The following PIGK variants were observed in gnomAD, a reference collection of about 807,000 sequenced individuals.
PIGK encodes GPI-anchor transamidase.
In PIGK, 42 loss-of-function variants were observed where a neutral mutation model predicts 50.6. The ratio of observed to expected loss-of-function variants is 0.83; its 90% CI spans 0.65 to 1.07. The LOEUF (loss-of-function observed/expected upper bound fraction) is 1.07. PIGK is among the 50% of genes least tolerant of loss of function. The pLI, the probability that PIGK is intolerant of heterozygous loss-of-function variation, is 0.00. For missense variants in PIGK, 448 were observed against 488.7 expected (o/e 0.92, Z 0.78); for synonymous variants, 151 against 156.0 (o/e 0.97, Z 0.24).
intron 3 of PIGK, among the ~76,000 whole-genome samples, chr1:77,202,542 T>C (rs2100583568): frequency 6.6e-6 from 1 of 152,278 alleles, no homozygotes; most frequent in Non-Finnish European, 1.5e-5. Context: ...GATCAGAATG[T>C]CAGATTTGGA....
intron 9 of PIGK, among the ~76,000 whole-genome samples, chr1:77,131,594 T>TA (rs1214213332): frequency 1.3e-5 from 2 of 152,120 alleles, no homozygotes; most frequent in Non-Finnish European, 2.9e-5. Context: ...ATTGCCTTTT[T>TA]AAAAAACATT....
intron 3 of PIGK, among the ~76,000 whole-genome samples, chr1:77,199,185 T>C (rs997650519): frequency 2.6e-5 from 4 of 152,028 alleles, no homozygotes; most frequent in Non-Finnish European, 5.9e-5. Flanking sequence ...TTTTACCTTG[T>C]CACTGTTCTC....
chr1:77,109,661 A>T (rs938649555), intron 10 of PIGK, among the ~76,000 whole-genome samples: 7 of 152,324 alleles, frequency 4.6e-5, no homozygotes, highest in Middle Eastern at 3.4e-3. Flanking sequence ...ATCATACTGA[A>T]TGGGCAAAAA....
In PIGK at chr1:77,199,070, T is replaced by C. The variant is rs190869870; in HGVS notation, c.239+7570A>G. Among the ~76,000 whole-genome samples, 158 of 152,182 alleles carry C rather than the reference T, an allele frequency of 1.0e-3. 4 individuals carry two copies. The highest frequency in any genetic ancestry group is 6.2e-4 in the Non-Finnish European group (42 of 67,934). On this transcript the variant is annotated intron_variant, in intron 3 of 10. Transcript: ENST00000370812. ...TCTATTTACAAATCAATAAAGAAATTTCCCCTATGCTTCATAAACCCCATT... is the reference window on the plus strand; with the variant it reads ...TCTATTTACAAATCAATAAAGAAATCTCCCCTATGCTTCATAAACCCCATT...
chr1:77,197,396 G>T (rs1570257577), intron 3 of PIGK, among the ~76,000 whole-genome samples: 1 of 152,152 alleles, frequency 6.6e-6, no homozygotes, highest in Non-Finnish European at 1.5e-5. Context: ...GCACAGCGAA[G>T]AATTGTCTTA....
intron 9 of PIGK, among the ~76,000 whole-genome samples, chr1:77,147,376 G>A (rs999485936): frequency 6.6e-6 from 1 of 152,112 alleles, no homozygotes; most frequent in Admixed American, 6.5e-5. Flanking sequence ...GAGGGAACGG[G>A]AGGGGAGGTG....
At chr1:77,204,969 A>G (rs1278567112) in intron 3 of PIGK, among the ~76,000 whole-genome samples, 1 of 152,204 alleles carries the variant, frequency 6.6e-6, no homozygotes, top group South Asian at 2.1e-4. Context: ...AAGACTTCAT[A>G]AACACAGTTA....
chr1:77,105,999 G>A (rs567971731), intron 10 of PIGK, among the ~76,000 whole-genome samples: 4 of 152,178 alleles, frequency 2.6e-5, no homozygotes, highest in Admixed American at 1.3e-4. Flanking sequence ...TGAATTATAC[G>A]GAAAATGCAC....
intron 8 of PIGK, among the ~76,000 whole-genome samples, chr1:77,159,087 G>A (rs1264762860): frequency 6.6e-6 from 1 of 152,122 alleles, no homozygotes; most frequent in Non-Finnish European, 1.5e-5. Context: ...GCTGGGCCTA[G>A]GACCCCCTGC....
chr1:77,129,095 C>G (rs777084203), intron 9 of PIGK: 3 of 887,262 alleles, frequency 3.4e-6, no homozygotes, highest in Non-Finnish European at 5.8e-6. Flanking sequence ...CCCTAAGCAG[C>G]CTGAGGTAAT....
intron 2 of PIGK, among the ~76,000 whole-genome samples, chr1:77,208,951 A>T (rs1656354971): frequency 1.3e-5 from 2 of 152,148 alleles, no homozygotes. Flanking sequence ...ATAGTCTTGC[A>T]TGTTTATTCT....
chr1:77,117,125 C>T (rs529677366), intron 10 of PIGK, among the ~76,000 whole-genome samples: 8 of 152,300 alleles, frequency 5.3e-5, no homozygotes, highest in African/African-American at 1.9e-4. Context: ...TAAACTTCTA[C>T]ACAATTGTCA....
chr1:77,164,593 C>T (rs1415980308), intron 5 of PIGK, among the ~76,000 whole-genome samples: 1 of 151,924 alleles, frequency 6.6e-6, no homozygotes. Flanking sequence ...TACATGCAGC[C>T]CTGCAGGCTT....
chr1:77,093,295 C>T (rs562473238), intron 10 of PIGK, among the ~76,000 whole-genome samples: 3 of 151,976 alleles, frequency 2.0e-5, no homozygotes, highest in Non-Finnish European at 4.4e-5. Context: ...ACAAGTGTCA[C>T]GTATGCTTTT....
rs1487708077 is a variant in PIGK, at chr1:77,090,149, G to A, written c.*2225C>T. The stretch of plus-strand genomic sequence containing the variant: ...CATCTGATTCTCACCACAACACTGT[G>A]AGAAAGGCAAAAACAAAACACCTTT... On this transcript the variant is annotated 3_prime_UTR_variant, in exon 11 of 11. Transcript: ENST00000370812. 4 of 152,212 alleles carry A rather than the reference G, an allele frequency of 2.6e-5. No individual in the cohort carries two copies. The highest frequency in any genetic ancestry group is 4.4e-5 in the Non-Finnish European group (3 of 68,038). 9.4% of individuals were successfully genotyped at this position (152,212 alleles called of 1,614,324 possible).
chr1:77,185,242 C>T (rs1371622817), intron 3 of PIGK, among the ~76,000 whole-genome samples: 1 of 152,224 alleles, frequency 6.6e-6, no homozygotes, highest in African/African-American at 2.4e-5. Flanking sequence ...GGTATATCAA[C>T]TCTCTAGTTT....
At chr1:77,160,667 G>T (rs1227997080) in intron 8 of PIGK, among the ~76,000 whole-genome samples, 1 of 152,162 alleles carries the variant, frequency 6.6e-6, no homozygotes, top group African/African-American at 2.4e-5. Flanking sequence ...TAGAATTGTT[G>T]TTTCAAGCTT....
rs1180726679 is a variant in PIGK, at chr1:77,195,156, T to C, written c.239+11484A>G. 3.3e-6 allele frequency: 4 copies of C among 1,230,500 alleles called. No individual in the cohort carries two copies. In the African/African-American group the frequency reaches 4.5e-5, roughly 14 times the overall value. The allele number at this position is 1,230,500 out of a possible 1,614,324, so 76.2% of individuals were successfully genotyped here. A position where few individuals can be genotyped will look rare whatever the true frequency, so the allele number is the denominator to read the frequency against. On this transcript the variant is annotated intron_variant, in intron 3 of 10. Coordinates refer to ENST00000370812, the MANE Select transcript of PIGK (RefSeq NM_005482.3). Reference sequence around the variant, plus strand: ...CAGAGTTCATGAATATCATTGCCAATGAGATTGGGTCAGAGGAGACCCTCC... The same window carrying C: ...CAGAGTTCATGAATATCATTGCCAACGAGATTGGGTCAGAGGAGACCCTCC...
intron 3 of PIGK, among the ~76,000 whole-genome samples, chr1:77,197,713 A>C (rs1656068376): frequency 6.6e-6 from 1 of 152,224 alleles, no homozygotes; most frequent in African/African-American, 2.4e-5. Context: ...ACTCACTAAC[A>C]GAACCATGAT....
Sources: allele counts gnomAD v4.1 joint callset (sites outside exome capture counted in the v4.1 genomes callset), GRCh38; gene constraint gnomAD v4.1.1; transcripts MANE v1.5; gene names NCBI Gene and HGNC (gene_info 2026-07-23, HGNC 2026-07-21).